Variants in ACER3 observed in about 807,000 individuals in gnomAD.
The protein encoded by ACER3 is alkaline ceramidase 3.
In ACER3, 16 loss-of-function variants were observed where a neutral mutation model predicts 48.9. That is an observed-to-expected ratio of 0.33 (90% CI 0.22 to 0.50). The LOEUF (loss-of-function observed/expected upper bound fraction) is 0.50, where lower values mean the gene tolerates loss of function less well. ACER3 is among the 20% of genes least tolerant of loss of function. ACER3 has a pLI of 0.98. For missense variants in ACER3, 227 were observed against 326.0 expected (o/e 0.70, Z 2.34); for synonymous variants, 109 against 107.8 (o/e 1.01, Z -0.07).
At chr11:76,863,337 A>G (rs575576286) in intron 1 of ACER3, among the ~76,000 whole-genome samples, 1 of 152,346 alleles carries the variant, frequency 6.6e-6, no homozygotes, top group East Asian at 1.9e-4. Flanking sequence ...GGGAAATGAC[A>G]TTTGTTCTCA....
intron 1 of ACER3, among the ~76,000 whole-genome samples, chr11:76,885,087 T>C (rs969425230): frequency 5.9e-5 from 9 of 152,144 alleles, no homozygotes; most frequent in African/African-American, 2.2e-4. Context: ...CTTTTTCTAA[T>C]GCTTTTTGTT....
intron 1 of ACER3, among the ~76,000 whole-genome samples, chr11:76,920,365 T>C (rs1946653669): frequency 6.6e-6 from 1 of 152,174 alleles, no homozygotes; most frequent in Non-Finnish European, 1.5e-5. Context: ...TTCAGCAAGC[T>C]CTATGGGTAT....
At chr11:76,918,599 T>C (rs1946601468) in intron 1 of ACER3, among the ~76,000 whole-genome samples, 1 of 152,088 alleles carries the variant, frequency 6.6e-6, no homozygotes, top group African/African-American at 2.4e-5. Context: ...GTTCACTATA[T>C]AGATATTAAT....
At chr11:76,876,283 T>C (rs937830796) in intron 1 of ACER3, among the ~76,000 whole-genome samples, 4 of 151,866 alleles carry the variant, frequency 2.6e-5, no homozygotes, top group African/African-American at 9.6e-5. Flanking sequence ...TTTTTTTTTT[T>C]CCCTACCATA....
intron 1 of ACER3, among the ~76,000 whole-genome samples, chr11:76,889,280 GT>G (rs1050414036): frequency 4.7e-5 from 7 of 148,550 alleles, no homozygotes; most frequent in African/African-American, 9.9e-5. Context: ...TTGCCTCTTG[GT>G]TTTTTTTTTC....
chr11:76,930,810 T>C (rs1255196109), intron 2 of ACER3, among the ~76,000 whole-genome samples: 2 of 152,128 alleles, frequency 1.3e-5, no homozygotes, highest in Non-Finnish European at 2.9e-5. Context: ...TCTAGTTTGA[T>C]TGCACTGTGG....
At chr11:76,957,508 A>G (rs1016433935) in intron 2 of ACER3, 3 of 448,124 alleles carry the variant, frequency 6.7e-6, no homozygotes, top group African/African-American at 2.0e-5. Context: ...CAGTGGCACA[A>G]TCTCGGCTCA....
rs973472963 is a variant in ACER3 at position 77,021,591 on chromosome 11, A to G, written c.*1264A>G. 2.0e-5 allele frequency: 3 copies of G among 152,164 alleles called. No individual in the cohort carries two copies. Among genetic ancestry groups the G allele is most frequent in the African/African-American group, 7.2e-5 (3 of 41,434 alleles). The allele number at this position is 152,164 out of a possible 1,614,324, so 9.4% of individuals were successfully genotyped here. A position where few individuals can be genotyped will look rare whatever the true frequency, so the allele number is the denominator to read the frequency against. On this transcript the variant is annotated 3_prime_UTR_variant, in exon 11 of 11. Transcript: ENST00000532485. ...TAGCTCTGCATCATTTAGCATTTTT[A>G]TGACTTTTTTTGCTTTATATAAATT...
intron 2 of ACER3, among the ~76,000 whole-genome samples, chr11:76,944,884 C>T (rs1192331384): frequency 6.6e-6 from 1 of 152,028 alleles, no homozygotes; most frequent in Non-Finnish European, 1.5e-5. Context: ...GTCTTGAAGG[C>T]TTTGTTCATT....
chr11:77,008,780 G>A (rs782729763), intron 7 of ACER3, among the ~76,000 whole-genome samples: 8 of 152,290 alleles, frequency 5.3e-5, no homozygotes, highest in African/African-American at 1.9e-4. Context: ...TCCAGGCTGG[G>A]CATGGTGACT....
At chr11:76,917,133 C>T (rs1003987239) in intron 1 of ACER3, among the ~76,000 whole-genome samples, 3 of 152,064 alleles carry the variant, frequency 2.0e-5, no homozygotes, top group Admixed American at 2.0e-4. Context: ...ACAAGCTCTG[C>T]TTAGTGAATG....
intron 1 of ACER3, among the ~76,000 whole-genome samples, chr11:76,918,493 C>G (rs1946598428): frequency 6.6e-6 from 1 of 151,790 alleles, no homozygotes; most frequent in South Asian, 2.1e-4. Flanking sequence ...CAGGTTGCAC[C>G]TATTTTTGTT....
At chr11:76,920,429 G>A (rs10751264) in intron 1 of ACER3, among the ~76,000 whole-genome samples, 86,375 of 151,532 alleles carry the variant, frequency 0.57, 27,775 homozygotes, top group Non-Finnish European at 0.73. Flanking sequence ...GCCTTCTCCA[G>A]CAAGGTCTGC....
intron 7 of ACER3, among the ~76,000 whole-genome samples, chr11:77,009,290 C>T (rs1478955709): frequency 6.6e-6 from 1 of 152,084 alleles, no homozygotes; most frequent in Non-Finnish European, 1.5e-5. Flanking sequence ...AAAGCAGAAG[C>T]AAGAGAGAGT....
intron 7 of ACER3, among the ~76,000 whole-genome samples, chr11:77,013,021 T>A (rs962206309): frequency 1.3e-5 from 2 of 152,172 alleles, no homozygotes; most frequent in Non-Finnish European, 2.9e-5. Flanking sequence ...TGGAGAAAGA[T>A]AATCTTTTCA....
intron 1 of ACER3, among the ~76,000 whole-genome samples, chr11:76,918,692 T>G (rs1265785119): frequency 6.6e-6 from 1 of 152,086 alleles, no homozygotes; most frequent in Non-Finnish European, 1.5e-5. Context: ...TATGTGTTAT[T>G]TGGTCATATT....
chr11:77,019,905 G>T, intron 10 of ACER3, 129 bp downstream of exon 10: 1 of 937,646 alleles, frequency 1.1e-6, no homozygotes, highest in Non-Finnish European at 1.7e-6. Flanking sequence ...ACCAAAGGCT[G>T]TGAATCTTTC....
At position 76,971,007 on chromosome 11, in the gene ACER3, T is replaced by C. The variant is rs570754904; in HGVS notation, c.268-5282T>C. ...TGTGTCTGGTTTCTTTAACTTAGCA[T>C]GTTTTCACACAGTTCACCCATGCTG... On this transcript the variant is annotated intron_variant, in intron 3 of 10. Transcript: ENST00000532485. Among the ~76,000 whole-genome samples, 259 of 152,360 alleles carry C rather than the reference T, an allele frequency of 1.7e-3. 3 individuals carry two copies. The highest frequency in any genetic ancestry group is 5.8e-3 in the African/African-American group (240 of 41,590).
rs147788104 is a variant in ACER3 at position 77,005,257 on chromosome 11, G to A, written c.497+6436G>A. ...TCACCGTGTTAGCCAGGATGGTCTC[G>A]ATCTCCTGACCTTGTGATCCGCTGG... is the stretch of plus-strand genomic sequence containing the variant. On this transcript the variant is annotated intron_variant, in intron 7 of 10. Transcript: ENST00000532485. 2.0e-3 allele frequency among the ~76,000 whole-genome samples: 307 copies of A among 152,094 alleles called. 12 individuals are homozygous for A. In the East Asian group the frequency reaches 0.052, roughly 26 times the overall value.
Sources: gnomAD v4.1 joint callset for allele counts (sites outside exome capture counted in the v4.1 genomes callset) on GRCh38, gnomAD v4.1.1 for gene constraint, MANE v1.5 for transcripts, NCBI Gene and HGNC (gene_info 2026-07-23, HGNC 2026-07-21) for gene names.